HCN1: variants seen among roughly 807,000 people sequenced by gnomAD.
HCN1 encodes the protein potassium/sodium hyperpolarization-activated cyclic nucleotide-gated channel 1.
A neutral mutation model predicts 78.9 loss-of-function variants in HCN1; 13 were observed. The ratio of observed to expected loss-of-function variants is 0.16; its 90% CI spans 0.11 to 0.26. The LOEUF is 0.26. HCN1 is among the 10% of genes least tolerant of loss of function. HCN1 has a pLI of 1.00. For missense variants in HCN1, 810 were observed against 1,154.3 expected (o/e 0.70, Z 4.32); for synonymous variants, 552 against 455.5 (o/e 1.21, Z -2.70).
At chr5:45,670,627 T>A (rs973400049) in intron 1 of HCN1, among the ~76,000 whole-genome samples, 1 of 151,774 alleles carries the variant, frequency 6.6e-6, no homozygotes, top group Admixed American at 6.6e-5. Context: ...CAATTTACTC[T>A]GCTGTAACAT....
intron 4 of HCN1, among the ~76,000 whole-genome samples, chr5:45,374,099 A>ATG (rs1343117315): frequency 6.3e-5 from 7 of 110,776 alleles, no homozygotes; most frequent in East Asian, 2.3e-4. Context: ...TATGTATATA[A>ATG]TATATATTAT....
intron 2 of HCN1, among the ~76,000 whole-genome samples, chr5:45,610,948 A>T (rs903735688): frequency 6.6e-6 from 1 of 152,098 alleles, no homozygotes; most frequent in African/African-American, 2.4e-5. Flanking sequence ...GATTTGTTTA[A>T]TAATAATAAA....
chr5:45,458,517 C>T (rs1314718088), intron 3 of HCN1, among the ~76,000 whole-genome samples: 4 of 152,030 alleles, frequency 2.6e-5, no homozygotes, highest in African/African-American at 9.7e-5. Flanking sequence ...ATCAATCTTG[C>T]CACTTTTTAG....
intron 1 of HCN1, among the ~76,000 whole-genome samples, chr5:45,659,923 G>A (rs1745889707): frequency 6.9e-6 from 1 of 144,522 alleles, no homozygotes; most frequent in Non-Finnish European, 1.5e-5. Context: ...AGCAAGGCAG[G>A]CCAACGTTCA....
chr5:45,402,823 CCT>C (rs2112046867), intron 3 of HCN1, among the ~76,000 whole-genome samples: 1 of 133,356 alleles, frequency 7.5e-6, no homozygotes, highest in East Asian at 2.1e-4. Flanking sequence ...CTCCTTCCTT[CCT>C]TCCTTCCTTC....
At chr5:45,561,998 A>G (rs1561201813) in intron 2 of HCN1, among the ~76,000 whole-genome samples, 1 of 152,198 alleles carries the variant, frequency 6.6e-6, no homozygotes, top group Non-Finnish European at 1.5e-5. Flanking sequence ...TCATAAGTAT[A>G]GTGCTCTCTT....
intron 3 of HCN1, among the ~76,000 whole-genome samples, chr5:45,412,994 A>G (rs1012092236): frequency 6.6e-6 from 1 of 152,042 alleles, no homozygotes; most frequent in Non-Finnish European, 1.5e-5. Context: ...TTTGCCACCT[A>G]TTGAAAATGC....
chr5:45,335,825 G>T (rs1206725492), intron 5 of HCN1, among the ~76,000 whole-genome samples: 1 of 151,976 alleles, frequency 6.6e-6, no homozygotes, highest in Admixed American at 6.6e-5. Context: ...TTCAAGATGA[G>T]AAAAATGAAG....
chr5:45,507,803 A>T (rs1742339257), intron 2 of HCN1, among the ~76,000 whole-genome samples: 1 of 152,138 alleles, frequency 6.6e-6, no homozygotes, highest in Non-Finnish European at 1.5e-5. Context: ...TATTAATGAA[A>T]AATCTGCAGT....
intron 3 of HCN1, among the ~76,000 whole-genome samples, chr5:45,425,555 G>T (rs954270507): frequency 3.3e-5 from 5 of 152,126 alleles, no homozygotes; most frequent in Non-Finnish European, 1.5e-5. Context: ...GAGAGGGCAG[G>T]AGAAATAAAG....
intron 2 of HCN1, among the ~76,000 whole-genome samples, chr5:45,636,612 C>G (rs1327994954): frequency 6.6e-6 from 1 of 152,080 alleles, no homozygotes; most frequent in Non-Finnish European, 1.5e-5. Context: ...TTTTGGGAGG[C>G]TGAGGTGGGA....
rs1052751999 is a variant in HCN1 at position 45,389,011 on chromosome 5, C to T, written c.1230+7481G>A. Among the ~76,000 whole-genome samples the T allele has an allele frequency of 6.9e-4, 105 of 152,094 alleles. 1 individual carries two copies. The highest frequency in any genetic ancestry group is 2.5e-3 in the African/African-American group (102 of 41,406). On this transcript the variant is annotated intron_variant, in intron 4 of 7. Coordinates refer to ENST00000303230, the MANE Select transcript of HCN1 (RefSeq NM_021072.4). The stretch of plus-strand genomic sequence containing the variant: ...ATCTATTATACACACTGTTGATTAA[C>T]ATTTTTTAAAAATGGCAAATCTAAT...
At chr5:45,647,335 T>C (rs1013845552) in intron 1 of HCN1, among the ~76,000 whole-genome samples, 1 of 152,124 alleles carries the variant, frequency 6.6e-6, no homozygotes, top group South Asian at 2.1e-4. Flanking sequence ...GGAGCAATAT[T>C]GTAACAGCTA....
chr5:45,505,412 A>C (rs1423818807), intron 2 of HCN1, among the ~76,000 whole-genome samples: 1 of 152,140 alleles, frequency 6.6e-6, no homozygotes. Flanking sequence ...AGATGGTTGT[A>C]GATGTGTGGT....
chr5:45,376,347 T>TAGAG (rs1326291156), intron 4 of HCN1, among the ~76,000 whole-genome samples: 7 of 97,278 alleles, frequency 7.2e-5, no homozygotes, highest in African/African-American at 2.5e-4. Context: ...ATTATATATA[T>TAGAG]ATAGAGAGAG....
rs963112483 is a variant in HCN1 at position 45,257,505 on chromosome 5, T to A, written c.*4416A>T. 6.6e-5 allele frequency: 10 copies of A among 152,298 alleles called. No homozygotes were observed. In the East Asian group the frequency reaches 1.7e-3, roughly 27 times the overall value. 9.4% of individuals were successfully genotyped at this position (152,298 alleles called of 1,614,324 possible). A position where few individuals can be genotyped will look rare whatever the true frequency, so the allele number is the denominator to read the frequency against. On this transcript the variant is annotated 3_prime_UTR_variant, in exon 8 of 8. Coordinates refer to ENST00000303230, the MANE Select transcript of HCN1 (RefSeq NM_021072.4). ...AGGTTCTTTTAAGATCATCTTTAAA[T>A]AATTTTCAAGGTGGGATGCGGGGAG...
intron 1 of HCN1, among the ~76,000 whole-genome samples, chr5:45,682,033 C>A (rs1272448379): frequency 6.6e-6 from 1 of 151,650 alleles, no homozygotes; most frequent in Non-Finnish European, 1.5e-5. Flanking sequence ...GGGTTTGGTG[C>A]CCTCCTAAAA....
chr5:45,317,889 G>A (rs998298578), intron 5 of HCN1, among the ~76,000 whole-genome samples: 7 of 152,110 alleles, frequency 4.6e-5, no homozygotes, highest in African/African-American at 1.7e-4. Flanking sequence ...CACTTAGAAT[G>A]GCGATCATTA....
rs111521321 is a variant in HCN1, at chr5:45,436,887, A to G, written c.1011+24959T>C. Among the ~76,000 whole-genome samples the G allele has an allele frequency of 9.0e-3, 1,366 of 152,334 alleles. 21 individuals are homozygous for G. The highest frequency in any genetic ancestry group is 0.031 in the African/African-American group (1,309 of 41,570). ...TCCCTCATTTTACAGATGAGCAAAA[A>G]GAGACCAGAGAAAATAAGTCCGATC... is the stretch of plus-strand genomic sequence containing the variant. On this transcript the variant is annotated intron_variant, in intron 3 of 7. Transcript: ENST00000303230.
Sources: gnomAD v4.1 joint callset for allele counts (sites outside exome capture counted in the v4.1 genomes callset) on GRCh38, gnomAD v4.1.1 for gene constraint, MANE v1.5 for transcripts, NCBI Gene and HGNC (gene_info 2026-07-23, HGNC 2026-07-21) for gene names.